PTPRM: variants seen among roughly 807,000 people sequenced by gnomAD.
PTPRM encodes the protein protein tyrosine phosphatase receptor type M, also known as receptor-type tyrosine-protein phosphatase mu.
A neutral mutation model predicts 186.7 loss-of-function variants in PTPRM; 47 were observed. The ratio of observed to expected loss-of-function variants is 0.25; its 90% CI spans 0.20 to 0.32. The LOEUF (loss-of-function observed/expected upper bound fraction) is 0.32, where lower values mean the gene tolerates loss of function less well. Ranked by LOEUF, PTPRM falls within the 10% of genes least tolerant of loss-of-function variation. PTPRM has a pLI of 1.00. For synonymous variants in PTPRM, 668 were observed against 674.9 expected (o/e 0.99, Z 0.16); for missense variants, 1,494 against 1,865.0 (o/e 0.80, Z 3.66).
At chr18:7,717,665 C>A (rs1416794681) in intron 1 of PTPRM, among the ~76,000 whole-genome samples, 2 of 152,228 alleles carry the variant, frequency 1.3e-5, no homozygotes, top group Non-Finnish European at 2.9e-5. Flanking sequence ...CATCTGTGGA[C>A]AGCAGCGTTA....
intron 1 of PTPRM, chr18:7,751,423 C>T (rs1005106271): frequency 6.6e-6 from 1 of 152,200 alleles, no homozygotes; most frequent in African/African-American, 2.4e-5. Context: ...CCTCTTAATA[C>T]ATTGCCACTG....
chr18:8,019,378 GT>G (rs763954543), intron 7 of PTPRM, among the ~76,000 whole-genome samples: 2 of 152,022 alleles, frequency 1.3e-5, no homozygotes, highest in Non-Finnish European at 2.9e-5. Context: ...TTCTCTTTTT[GT>G]TTTGGCCCTT....
intron 26 of PTPRM, 149 bp downstream of exon 26, chr18:8,376,746 C>CCTCA: frequency 9.8e-7 from 1 of 1,017,468 alleles, no homozygotes; most frequent in Non-Finnish European, 1.4e-6. Context: ...TCCCTCCCTC[C>CCTCA]CTTCCCCCTT....
At chr18:8,369,787 T>TA (rs202051017) in intron 23 of PTPRM, among the ~76,000 whole-genome samples, 3,181 of 152,028 alleles carry the variant, frequency 0.021, 42 homozygotes, top group Middle Eastern at 0.041. Context: ...CCCATTGCTA[T>TA]AAAAAATAAA....
At chr18:7,687,314 A>G (rs2039625404) in intron 1 of PTPRM, among the ~76,000 whole-genome samples, 1 of 152,204 alleles carries the variant, frequency 6.6e-6, no homozygotes, top group Admixed American at 6.5e-5. Flanking sequence ...GTGGTCTGGC[A>G]AGGAAATAAT....
intron 2 of PTPRM, among the ~76,000 whole-genome samples, chr18:7,804,779 AACTG>A (rs746727275): frequency 3.7e-4 from 57 of 152,256 alleles, no homozygotes; most frequent in Non-Finnish European, 1.3e-4. Flanking sequence ...TCCCTTGAGC[AACTG>A]ACTGTCTCTT....
intron 1 of PTPRM, among the ~76,000 whole-genome samples, chr18:7,659,817 C>T (rs886146008): frequency 2.0e-5 from 3 of 152,236 alleles, no homozygotes; most frequent in South Asian, 2.1e-4. Context: ...AGAAATGGCC[C>T]GGTCTGTAAA....
At chr18:8,116,896 ACT>A (rs1218699951) in intron 13 of PTPRM, among the ~76,000 whole-genome samples, 1 of 152,118 alleles carries the variant, frequency 6.6e-6, no homozygotes, top group African/African-American at 2.4e-5. Flanking sequence ...ACAGCAACAA[ACT>A]CTATCCAAAG....
At chr18:7,635,336 C>G (rs577378676) in intron 1 of PTPRM, among the ~76,000 whole-genome samples, 2 of 152,218 alleles carry the variant, frequency 1.3e-5, no homozygotes, top group Admixed American at 1.3e-4. Context: ...GTCTCATTTC[C>G]TTTCTGCTCT....
chr18:7,914,516 T>C (rs1175130900), intron 4 of PTPRM, among the ~76,000 whole-genome samples: 1 of 152,142 alleles, frequency 6.6e-6, no homozygotes, highest in East Asian at 1.9e-4. Context: ...AAAATAATAA[T>C]GTTTTTCTCA....
intron 11 of PTPRM, among the ~76,000 whole-genome samples, chr18:8,109,873 C>T (rs1323172891): frequency 6.6e-6 from 1 of 152,124 alleles, no homozygotes; most frequent in Non-Finnish European, 1.5e-5. Flanking sequence ...GTTTGATTCC[C>T]TTAGGTTCAT....
intron 22 of PTPRM, among the ~76,000 whole-genome samples, chr18:8,335,029 C>G (rs893072585): frequency 6.6e-6 from 1 of 152,242 alleles, no homozygotes; most frequent in Non-Finnish European, 1.5e-5. Flanking sequence ...TGTTTTCTTT[C>G]TCTGATTTTT....
chr18:8,010,304 G>C (rs549804664), intron 7 of PTPRM, among the ~76,000 whole-genome samples: 2 of 151,962 alleles, frequency 1.3e-5, no homozygotes, highest in Non-Finnish European at 2.9e-5. Context: ...AAAAGCCTTC[G>C]GTGACTTTTT....
At chr18:8,246,457 G>T (rs192389607) in intron 15 of PTPRM, among the ~76,000 whole-genome samples, 15 of 152,276 alleles carry the variant, frequency 9.9e-5, no homozygotes, top group Admixed American at 8.5e-4. Context: ...CAGGTAGTGG[G>T]AATGGGTTTA....
intron 31 of PTPRM, among the ~76,000 whole-genome samples, chr18:8,393,131 A>AT (rs1169772142): frequency 3.3e-5 from 5 of 152,242 alleles, no homozygotes; most frequent in African/African-American, 1.2e-4. Flanking sequence ...GAGAAAGATG[A>AT]TAACTTTATG....
chr18:8,032,757 T>G (rs2086067599), intron 7 of PTPRM, among the ~76,000 whole-genome samples: 1 of 152,096 alleles, frequency 6.6e-6, no homozygotes, highest in Admixed American at 6.5e-5. Context: ...ACAAGCATAT[T>G]AAATTTAGAA....
At chr18:8,121,329 AG>A (rs2092164850) in intron 13 of PTPRM, among the ~76,000 whole-genome samples, 1 of 152,240 alleles carries the variant, frequency 6.6e-6, no homozygotes, top group African/African-American at 2.4e-5. Flanking sequence ...AATAGTACCC[AG>A]GCTGTTCCAT....
chr18:7,936,747 C>T (rs1261490473), intron 5 of PTPRM, among the ~76,000 whole-genome samples: 1 of 152,148 alleles, frequency 6.6e-6, no homozygotes, highest in African/African-American at 2.4e-5. Flanking sequence ...GGGAAATTAT[C>T]GTGCTTTTTT....
At chr18:7,662,690 A>G (rs2039007297) in intron 1 of PTPRM, among the ~76,000 whole-genome samples, 1 of 152,316 alleles carries the variant, frequency 6.6e-6, no homozygotes, top group East Asian at 1.9e-4. Flanking sequence ...TTAATTGTAC[A>G]TTTAAAAATA....
Sources: allele counts gnomAD v4.1 joint callset (sites outside exome capture counted in the v4.1 genomes callset), GRCh38; gene constraint gnomAD v4.1.1; transcripts MANE v1.5; gene names NCBI Gene and HGNC (gene_info 2026-07-23, HGNC 2026-07-21).